The following SPON2 variants were observed in gnomAD, a reference collection of about 807,000 sequenced individuals.
SPON2 encodes the protein spondin 2.
Under a neutral mutation model 29.9 loss-of-function variants are expected in SPON2, and 32 were observed. That is an observed-to-expected ratio of 1.07 (90% CI 0.81 to 1.44). SPON2 has a LOEUF of 1.44. Among genes scored for constraint, SPON2 ranks in the 40% most tolerant of loss-of-function variants. The pLI is 0.00. For missense variants in SPON2, 541 were observed against 455.5 expected (o/e 1.19, Z -1.71); for synonymous variants, 248 against 209.1 (o/e 1.19, Z -1.61).
chr4:1,195,011 C>G (rs1185961097), exon 1 of SPON2: 2 of 103,836 alleles, frequency 1.9e-5, no homozygotes, highest in East Asian at 2.4e-4. Context: ...CGGTTCCAAC[C>G]CCGCAGCCGG....
Position 1,202,938 on chromosome 4 carries a change from G to T in SPON2, c.-234+4942C>A, listed in dbSNP as rs747010448. ...CCAAGGAGGGCTGGGCCAGGATCGGGGGAGACCCAGGCAGGCAGTGAGCTC... is the reference window on the plus strand; with the variant it reads ...CCAAGGAGGGCTGGGCCAGGATCGGTGGAGACCCAGGCAGGCAGTGAGCTC... On this transcript the variant is annotated intron_variant, in intron 1 of 3. Coordinates refer to the SPON2 transcript ENST00000509233. The surrounding 1 kb of genome is among the most constrained non-coding windows in gnomAD (Gnocchi z 5.4). Among the ~76,000 whole-genome samples, 1 of 152,230 alleles carries T rather than the reference G, an allele frequency of 6.6e-6. No homozygotes were observed. The highest frequency in any genetic ancestry group is 1.5e-5 in the Non-Finnish European group (1 of 68,036).
At chr4:1,189,773 G>A (rs1364418352) in intron 1 of SPON2, among the ~76,000 whole-genome samples, 1 of 151,756 alleles carries the variant, frequency 6.6e-6, no homozygotes, top group Non-Finnish European at 1.5e-5. Flanking sequence ...CGGATCACAA[G>A]GTCGGGAGAT....
At chr4:1,194,946 AACCTC>A (rs1728017309) in intron 1 of SPON2, 2 of 131,778 alleles carry the variant, frequency 1.5e-5, no homozygotes, top group East Asian at 2.4e-4. Flanking sequence ...CGGCGGCTCC[AACCTC>A]GCAGCCGGCG....
intron 5 of SPON2, 75 bp downstream of exon 5, chr4:1,170,327 G>A (rs765577225): frequency 3.6e-4 from 513 of 1,437,540 alleles, no homozygotes; most frequent in Non-Finnish European, 4.6e-4. Context: ...CAGAGCCTTA[G>A]GTTCGGGTTT....
intron 5 of SPON2, among the ~76,000 whole-genome samples, chr4:1,169,446 C>T (rs1414573212): frequency 1.3e-5 from 2 of 152,202 alleles, no homozygotes; most frequent in African/African-American, 4.8e-5. Context: ...GGACTGGGCA[C>T]AGTCTCTGTC....
Position 1,171,413 on chromosome 4 carries a change from C to T in SPON2, c.294G>A (p.Ala98=). The T allele has an allele frequency of 1.9e-6, 3 of 1,612,344 alleles. No individual in the cohort carries two copies. The highest frequency in any genetic ancestry group is 1.1e-5 in the South Asian group (1 of 91,080). Reference sequence around the variant, plus strand: ...TCAGCGCCCAGGCCTCGCCGCGCTCCGCAAAGTCGCGCAGCCCGTTACTGA... The same window carrying T: ...TCAGCGCCCAGGCCTCGCCGCGCTCTGCAAAGTCGCGCAGCCCGTTACTGA... ...QYVSNGLRDF[A]ERGEAWALMK... The change falls in exon 3 of 6, where the codon GCG becomes GCA. Residue 98 remains alanine (A), a synonymous_variant. Coordinates refer to ENST00000290902, the MANE Select transcript of SPON2 (RefSeq NM_012445.4).
At position 1,171,850 on chromosome 4, in the gene SPON2, A is replaced by G; in HGVS notation, c.220+2T>C. 1 of 1,608,984 alleles carries G rather than the reference A, an allele frequency of 6.2e-7. No homozygotes were observed. The highest frequency in any genetic ancestry group is 1.1e-5 in the South Asian group (1 of 91,012). On this transcript the variant is annotated splice_donor_variant, in intron 2 of 5. Coordinates refer to ENST00000290902, the MANE Select transcript of SPON2 (RefSeq NM_012445.4). LOFTEE classifies it high-confidence loss of function. ...AGGAGGCGAGGAGGGGGCTGTACTT[A>G]CCCAGCAGCGAAGACCACTGCGCAG...
At position 1,167,528 on chromosome 4, in the gene SPON2, T is replaced by C; in HGVS notation, c.940A>G (p.Ser314Gly). 1.9e-6 allele frequency: 3 copies of C among 1,613,792 alleles called. No homozygotes were observed. The highest frequency in any genetic ancestry group is 2.5e-6 in the Non-Finnish European group (3 of 1,180,006). ...YVRVQPANNGSPCPELEEEAE... is the reference protein window; with the variant it reads ...YVRVQPANNGGPCPELEEEAE... ...TCTTCTTCGAGCTCGGGGCAGGGGC[T>C]CCCGTTGTTGGCGGGCTGGACCCGG... Residue 314 changes from serine to glycine, a missense_variant, in exon 6 of 6, where the codon AGC becomes GGC. Transcript: ENST00000290902.
intron 1 of SPON2, among the ~76,000 whole-genome samples, chr4:1,203,698 G>A (rs952611013): frequency 4.6e-5 from 7 of 152,230 alleles, no homozygotes; most frequent in South Asian, 2.1e-4. Flanking sequence ...AGGTTCCCAC[G>A]TCTCCGCCCT....
chr4:1,176,808 A>G (rs1377534943), upstream of SPON2, among the ~76,000 whole-genome samples: 2 of 145,138 alleles, frequency 1.4e-5, no homozygotes, highest in African/African-American at 5.4e-5. Context: ...CATTCATGCA[A>G]TCATCCACAG....
At chr4:1,195,569 C>T (rs887756389), upstream of SPON2, among the ~76,000 whole-genome samples, 3 of 152,212 alleles carry the variant, frequency 2.0e-5, no homozygotes, top group Non-Finnish European at 2.9e-5. Flanking sequence ...TAGGCACTGC[C>T]GCAGCCCCTC....
At chr4:1,174,313 C>T (rs923081263), upstream of SPON2, among the ~76,000 whole-genome samples, 1 of 151,724 alleles carries the variant, frequency 6.6e-6, no homozygotes, top group South Asian at 2.1e-4. Flanking sequence ...ATGGTGAAGC[C>T]CCATCTGTAC....
At chr4:1,180,273 G>C (rs549858297) in intron 1 of SPON2, among the ~76,000 whole-genome samples, 5 of 152,284 alleles carry the variant, frequency 3.3e-5, no homozygotes, top group South Asian at 2.1e-4. Context: ...GGAAATCTCT[G>C]TCTGGCCATT....
chr4:1,201,533 G>A (rs868570994), intron 1 of SPON2: 39 of 165,042 alleles, frequency 2.4e-4, no homozygotes, highest in African/African-American at 9.1e-4. Flanking sequence ...TGCACCCCGG[G>A]AGTGCCTGCC....
At chr4:1,183,542 G>A (rs761362649) in intron 1 of SPON2, among the ~76,000 whole-genome samples, 1 of 152,140 alleles carries the variant, frequency 6.6e-6, no homozygotes, top group Non-Finnish European at 1.5e-5. Flanking sequence ...GAGTCAAGAA[G>A]CTAGTATTCT....
chr4:1,187,042 T>C (rs1012539523), intron 1 of SPON2, among the ~76,000 whole-genome samples: 4 of 152,170 alleles, frequency 2.6e-5, no homozygotes, highest in Admixed American at 2.6e-4. Context: ...CCCAAAATAA[T>C]GGAAATCAGG....
chr4:1,167,111 T>G lies in SPON2; in HGVS notation c.*361A>C, dbSNP rs1727260823. ...CAGGTCTGAGGTATCTGCAACCACG[T>G]GGGAGCCAGGCCCCTGGACGATGAA... is the stretch of plus-strand genomic sequence containing the variant. On this transcript the variant is annotated 3_prime_UTR_variant, in exon 6 of 6. Coordinates refer to ENST00000290902, the MANE Select transcript of SPON2 (RefSeq NM_012445.4). 1 of 200,720 alleles carries G rather than the reference T, an allele frequency of 5.0e-6. No homozygotes were observed. The highest frequency in any genetic ancestry group is 1.3e-4 in the South Asian group (1 of 7,800). 12.4% of individuals were successfully genotyped at this position (200,720 alleles called of 1,614,324 possible). A position where few individuals can be genotyped will look rare whatever the true frequency, so the allele number is the denominator to read the frequency against.
chr4:1,198,087 T>C (rs1728109638), upstream of SPON2, among the ~76,000 whole-genome samples: 1 of 151,534 alleles, frequency 6.6e-6, no homozygotes, highest in Non-Finnish European at 1.5e-5. Flanking sequence ...TGACTACCTC[T>C]ATTTAGAATT....
At position 1,167,645 on chromosome 4, in the gene SPON2, G is replaced by T; in HGVS notation, c.823C>A (p.Pro275Thr). 6.2e-7 allele frequency: 1 copy of T among 1,606,710 alleles called. No homozygotes were observed. The highest frequency in any genetic ancestry group is 1.3e-5 in the African/African-American group (1 of 74,916). The change falls in exon 6 of 6, where the codon CCG becomes ACG. Residue 275 changes from proline (P) to threonine (T), a missense_variant. Coordinates refer to ENST00000290902, the MANE Select transcript of SPON2 (RefSeq NM_012445.4). ...IVDSASVPET[P>T]LDCEVSLWSS... ...CACAGGGAGACCTCGCAGTCCAGCGGCGTTTCTGGAACTGGACCAAGCAAA... is the reference window on the plus strand; with the variant it reads ...CACAGGGAGACCTCGCAGTCCAGCGTCGTTTCTGGAACTGGACCAAGCAAA...
Sources: allele counts gnomAD v4.1 joint callset (sites outside exome capture counted in the v4.1 genomes callset), GRCh38; gene constraint gnomAD v4.1.1; non-coding constraint Gnocchi (gnomAD v3.1); transcripts MANE v1.5; gene names NCBI Gene and HGNC (gene_info 2026-07-23, HGNC 2026-07-21).